The following PLCXD2 variants were observed in gnomAD, a reference collection of about 807,000 sequenced individuals.
PLCXD2 encodes the protein PI-PLC X domain-containing protein 2.
A neutral mutation model predicts 28.6 loss-of-function variants in PLCXD2; 21 were observed. The ratio of observed to expected loss-of-function variants is 0.73; its 90% CI spans 0.52 to 1.06. The LOEUF (loss-of-function observed/expected upper bound fraction) is 1.06, where lower values mean the gene tolerates loss of function less well. Ranked by LOEUF, PLCXD2 falls within the 50% of genes least tolerant of loss-of-function variation. PLCXD2 has a pLI of 0.00. For missense variants in PLCXD2, 369 were observed against 376.7 expected, an observed-to-expected ratio of 0.98 and a Z score of 0.17; for synonymous variants, 140 against 150.1, an observed-to-expected ratio of 0.93 and a Z score of 0.49.
intron 1 of PLCXD2, among the ~76,000 whole-genome samples, chr3:111,704,209 T>G (rs907145686): frequency 2.6e-5 from 4 of 152,198 alleles, no homozygotes; most frequent in Admixed American, 6.5e-5. Context: ...CGGGGGGTAG[T>G]GGTTAAGAAC....
chr3:111,706,156 T>C (rs1941115405), intron 1 of PLCXD2, among the ~76,000 whole-genome samples: 2 of 152,156 alleles, frequency 1.3e-5, no homozygotes, highest in Admixed American at 6.5e-5. Context: ...ACCATGCCCA[T>C]CTGTGTGTCT....
intron 1 of PLCXD2, among the ~76,000 whole-genome samples, chr3:111,678,566 T>G (rs1940660224): frequency 6.6e-6 from 1 of 152,216 alleles, no homozygotes; most frequent in Non-Finnish European, 1.5e-5. Flanking sequence ...TTATTAAAGG[T>G]AAACTACTTG....
intron 1 of PLCXD2, among the ~76,000 whole-genome samples, chr3:111,682,262 A>G (rs1270074496): frequency 6.6e-6 from 1 of 152,202 alleles, no homozygotes; most frequent in Non-Finnish European, 1.5e-5. Context: ...TCTCTAGGTA[A>G]CTTCAAGATA....
intron 1 of PLCXD2, among the ~76,000 whole-genome samples, chr3:111,699,216 CTT>C (rs1323983876): frequency 2.0e-5 from 3 of 152,208 alleles, no homozygotes; most frequent in Non-Finnish European, 4.4e-5. Flanking sequence ...TCACTTAACT[CTT>C]GTCTCAATCT....
At chr3:111,726,678 C>T (rs2107882301) in intron 3 of PLCXD2, 1 of 152,214 alleles carries the variant, frequency 6.6e-6, no homozygotes, top group South Asian at 2.1e-4. Context: ...TTTCACTTGG[C>T]TTTTTACCCC....
chr3:111,676,843 T>C (rs1192384955), intron 1 of PLCXD2: 4 of 152,230 alleles, frequency 2.6e-5, no homozygotes, highest in Non-Finnish European at 4.4e-5. Context: ...CCTAAATGGC[T>C]GTGTCATTCA....
At chr3:111,707,802 T>G in intron 1 of PLCXD2, 124 bp from the exon 2 acceptor site, 1 of 875,124 alleles carries the variant, frequency 1.1e-6, no homozygotes, top group Non-Finnish European at 1.7e-6. Context: ...TTGCTACTAT[T>G]CATTTGCAGT....
chr3:111,708,898 A>G (rs1006017051), intron 2 of PLCXD2, among the ~76,000 whole-genome samples: 3 of 152,286 alleles, frequency 2.0e-5, no homozygotes, highest in African/African-American at 7.2e-5. Flanking sequence ...TAAGGAAGGA[A>G]GAGCCTGTTG....
intron 3 of PLCXD2, among the ~76,000 whole-genome samples, chr3:111,719,455 T>C (rs1576465609): frequency 6.6e-6 from 1 of 152,176 alleles, no homozygotes; most frequent in African/African-American, 2.4e-5. Flanking sequence ...GTTTTACTCA[T>C]AATATCCAAA....
At chr3:111,692,295 G>C (rs1441869875) in intron 1 of PLCXD2, among the ~76,000 whole-genome samples, 1 of 152,162 alleles carries the variant, frequency 6.6e-6, no homozygotes, top group South Asian at 2.1e-4. Context: ...CGCCCGCCTC[G>C]GCCTCCCAAA....
chr3:111,696,711 T>C (rs1311613942), intron 1 of PLCXD2, among the ~76,000 whole-genome samples: 1 of 152,234 alleles, frequency 6.6e-6, no homozygotes, highest in African/African-American at 2.4e-5. Context: ...AATACATGCA[T>C]ATCCAATATA....
At position 111,675,087 on chromosome 3, in the gene PLCXD2, G is replaced by T. The variant is rs187725465; in HGVS notation, c.-159G>T. The T allele has an allele frequency of 3.3e-4, 247 of 750,404 alleles. 3 individuals are homozygous for T. The East Asian group carries it at 6.0e-3, about 18-fold the overall frequency. 46.5% of individuals were successfully genotyped at this position (750,404 alleles called of 1,614,324 possible). A position where few individuals can be genotyped will look rare whatever the true frequency, so the allele number is the denominator to read the frequency against. On this transcript the variant is annotated 5_prime_UTR_variant, in exon 1 of 5. Transcript: ENST00000477665. ...AGAGTGGGGACTGTGAGTGCTAGTG[G>T]GTAAGGATCCATCTGTTTGCCCCGT...
chr3:111,714,547 T>C (rs945661125), intron 3 of PLCXD2, among the ~76,000 whole-genome samples: 1 of 152,148 alleles, frequency 6.6e-6, no homozygotes, highest in South Asian at 2.1e-4. Flanking sequence ...TGTTCTCCTT[T>C]CCATGGTGAC....
At chr3:111,720,659 C>T (rs1273739277) in intron 3 of PLCXD2, 64 bp from the exon 4 acceptor site, 2 of 416,220 alleles carry the variant, frequency 4.8e-6, no homozygotes, top group African/African-American at 4.1e-5. Context: ...ATGTCCATGT[C>T]TGGAGAAGAC....
At chr3:111,677,421 T>C (rs1190132219) in intron 1 of PLCXD2, 1 of 152,198 alleles carries the variant, frequency 6.6e-6, no homozygotes, top group Non-Finnish European at 1.5e-5. Flanking sequence ...ATTTGGGAAA[T>C]GGGGGCCATC....
intron 1 of PLCXD2, among the ~76,000 whole-genome samples, chr3:111,677,930 G>A (rs905992757): frequency 3.3e-5 from 5 of 152,072 alleles, no homozygotes; most frequent in African/African-American, 1.2e-4. Flanking sequence ...GTTTAGAATT[G>A]AAACCCAGTA....
At chr3:111,724,526 A>T (rs1248192406) in intron 3 of PLCXD2, 1 of 152,176 alleles carries the variant, frequency 6.6e-6, no homozygotes, top group East Asian at 1.9e-4. Context: ...GGGACTTTCC[A>T]TCTCTCGTTT....
chr3:111,697,282 T>A (rs1285547028), intron 1 of PLCXD2, among the ~76,000 whole-genome samples: 1 of 152,202 alleles, frequency 6.6e-6, no homozygotes, highest in Non-Finnish European at 1.5e-5. Context: ...AGGCTCGAGC[T>A]GTGCATTAGC....
chr3:111,683,002 G>A (rs9809793), intron 1 of PLCXD2, among the ~76,000 whole-genome samples: 6,647 of 152,246 alleles, frequency 0.044, 239 homozygotes, highest in African/African-American at 0.091. Flanking sequence ...GCCAGGTACT[G>A]TGTTAAATCG....
Sources: allele counts gnomAD v4.1 joint callset (sites outside exome capture counted in the v4.1 genomes callset), GRCh38; gene constraint gnomAD v4.1.1; transcripts MANE v1.5; gene names NCBI Gene and HGNC (gene_info 2026-07-23, HGNC 2026-07-21).